The following TEX36 variants were observed in gnomAD, a reference collection of about 807,000 sequenced individuals.
The protein encoded by TEX36 is testis expressed 36.
TEX36 carries 12 observed loss-of-function variants against 13.6 expected under a neutral mutation model. The observed-to-expected ratio is 0.88, with a 90% CI of 0.56 to 1.43. The LOEUF is 1.43. TEX36 is among the 40% of genes most tolerant of loss of function. TEX36 has a pLI of 0.00. For missense variants in TEX36, 224 were observed against 228.3 expected (o/e 0.98, Z 0.12); for synonymous variants, 93 against 83.0 (o/e 1.12, Z -0.65).
intron 3 of TEX36, among the ~76,000 whole-genome samples, chr10:125,585,060 G>T (rs908515047): frequency 1.3e-5 from 2 of 152,168 alleles, no homozygotes; most frequent in African/African-American, 2.4e-5. Context: ...TTAGGGAGGT[G>T]CAAGCTCCGG....
downstream of TEX36, among the ~76,000 whole-genome samples, chr10:125,650,804 A>G (rs1158531618): frequency 6.6e-6 from 1 of 152,190 alleles, no homozygotes; most frequent in East Asian, 1.9e-4. Context: ...ATAAAAAATG[A>G]TCAAGGGGAT....
At chr10:125,611,505 G>C (rs773109388) in intron 3 of TEX36, among the ~76,000 whole-genome samples, 2 of 152,122 alleles carry the variant, frequency 1.3e-5, no homozygotes, top group African/African-American at 4.8e-5. Context: ...GTATTTACTT[G>C]TTTTAATGTG....
At chr10:125,613,466 T>C (rs1846317107) in intron 3 of TEX36, among the ~76,000 whole-genome samples, 1 of 113,896 alleles carries the variant, frequency 8.8e-6, no homozygotes, top group South Asian at 3.1e-4. Flanking sequence ...GAGTGTGATG[T>C]TCCCCTTCCT....
At chr10:125,610,146 G>A (rs1172726151) in intron 3 of TEX36, among the ~76,000 whole-genome samples, 2 of 152,140 alleles carry the variant, frequency 1.3e-5, no homozygotes, top group South Asian at 2.1e-4. Context: ...GCCCCTTCCC[G>A]GAAAACTCAT....
At chr10:125,614,349 C>T (rs919772520) in intron 3 of TEX36, among the ~76,000 whole-genome samples, 1 of 152,092 alleles carries the variant, frequency 6.6e-6, no homozygotes, top group African/African-American at 2.4e-5. Flanking sequence ...GACATGAAGT[C>T]CTTGCCCATG....
chr10:125,596,756 A>T (rs1054683962), intron 3 of TEX36, among the ~76,000 whole-genome samples: 2 of 152,234 alleles, frequency 1.3e-5, no homozygotes, highest in Non-Finnish European at 2.9e-5. Context: ...AGAAATCAGC[A>T]GATAGGCCCT....
chr10:125,681,152 C>T (rs12411576), intron 1 of TEX36, among the ~76,000 whole-genome samples: 6,759 of 152,200 alleles, frequency 0.044, 371 homozygotes, highest in African/African-American at 0.13. Flanking sequence ...CCTCTTATTT[C>T]CCTGCCTGAG....
intron 3 of TEX36, among the ~76,000 whole-genome samples, chr10:125,598,207 GT>G (rs1229122297): frequency 6.6e-6 from 1 of 152,182 alleles, no homozygotes; most frequent in Non-Finnish European, 1.5e-5. Flanking sequence ...TCTCTGGCCT[GT>G]CTTTGAAGAC....
chr10:125,615,561 T>C (rs1239703079), intron 3 of TEX36, among the ~76,000 whole-genome samples: 2 of 151,932 alleles, frequency 1.3e-5, no homozygotes, highest in Non-Finnish European at 2.9e-5. Flanking sequence ...TTGTCTTTGG[T>C]TCTGTTTATA....
intron 3 of TEX36, chr10:125,578,242 GATAAT>G (rs996849042): frequency 6.6e-6 from 1 of 152,188 alleles, no homozygotes; most frequent in African/African-American, 2.4e-5. Flanking sequence ...GAGAGCTGCT[GATAAT>G]ACGTGGATCC....
At chr10:125,620,972 A>T (rs2133559769), downstream of TEX36, among the ~76,000 whole-genome samples, 1 of 152,242 alleles carries the variant, frequency 6.6e-6, no homozygotes, top group Non-Finnish European at 1.5e-5. Context: ...TTCCTTTTTT[A>T]AAGCTAAATA....
chr10:125,665,427 G>A (rs190731602), intron 1 of TEX36, among the ~76,000 whole-genome samples: 60 of 152,002 alleles, frequency 3.9e-4, no homozygotes, highest in Middle Eastern at 3.4e-3. Flanking sequence ...TTTTTATATG[G>A]TGAGATATAG....
At chr10:125,654,202 A>AT (rs1238416747), downstream of TEX36, among the ~76,000 whole-genome samples, 41 of 152,168 alleles carry the variant, frequency 2.7e-4, no homozygotes, top group African/African-American at 9.1e-4. Context: ...TTATTTATTT[A>AT]TTATTAGAAG....
intron 3 of TEX36, among the ~76,000 whole-genome samples, chr10:125,593,819 G>A (rs993418818): frequency 2.6e-5 from 4 of 152,168 alleles, no homozygotes; most frequent in Non-Finnish European, 5.9e-5. Context: ...ATGATAGAAA[G>A]TTTCTGGAGA....
chr10:125,666,593 A>T (rs900374032), intron 1 of TEX36, among the ~76,000 whole-genome samples: 33 of 152,096 alleles, frequency 2.2e-4, no homozygotes, highest in African/African-American at 7.7e-4. Flanking sequence ...TGTTGCATTT[A>T]GTTTGCTGGT....
intron 1 of TEX36, among the ~76,000 whole-genome samples, chr10:125,662,647 G>A (rs1157035165): frequency 2.0e-5 from 3 of 152,178 alleles, no homozygotes; most frequent in South Asian, 2.1e-4. Context: ...CTGTTGACCC[G>A]GCTGGGAGCT....
At chr10:125,624,660 T>A (rs998982507) in intron 3 of TEX36, among the ~76,000 whole-genome samples, 22 of 145,734 alleles carry the variant, frequency 1.5e-4, no homozygotes, top group Non-Finnish European at 3.0e-4. Context: ...CAAATACTCA[T>A]GAGATGTATA....
intron 3 of TEX36, among the ~76,000 whole-genome samples, chr10:125,649,202 G>A (rs1377818981): frequency 1.3e-5 from 2 of 152,174 alleles, no homozygotes; most frequent in African/African-American, 4.8e-5. Context: ...ACACATAATT[G>A]TCAGATTCAC....
At chr10:125,676,236 C>T (rs1175516252) in intron 1 of TEX36, among the ~76,000 whole-genome samples, 1 of 152,198 alleles carries the variant, frequency 6.6e-6, no homozygotes, top group African/African-American at 2.4e-5. Context: ...ACTATTATTG[C>T]ATTGCAGTCC....
Sources: allele counts gnomAD v4.1 joint callset (sites outside exome capture counted in the v4.1 genomes callset), GRCh38; gene constraint gnomAD v4.1.1; transcripts MANE v1.5; gene names NCBI Gene and HGNC (gene_info 2026-07-23, HGNC 2026-07-21).